The following ATM variants were observed in gnomAD, a reference collection of about 807,000 sequenced individuals.
ATM encodes serine-protein kinase ATM.
Under a neutral mutation model 387.0 loss-of-function variants are expected in ATM, and 308 were observed. The ratio of observed to expected loss-of-function variants is 0.80; its 90% CI spans 0.73 to 0.87. The LOEUF is 0.87. Among genes scored for constraint, ATM ranks in the 40% least tolerant of loss-of-function variants. The pLI is 0.00. For synonymous variants in ATM, 1,156 were observed against 1,187.3 expected, an observed-to-expected ratio of 0.97 and a Z score of 0.54; for missense variants, 3,312 against 3,560.9, an observed-to-expected ratio of 0.93 and a Z score of 1.78.
At chr11:108,282,177 G>A (rs958620853) in intron 24 of ATM, among the ~76,000 whole-genome samples, 1 of 151,656 alleles carries the variant, frequency 6.6e-6, no homozygotes, top group African/African-American at 2.4e-5. Context: ...GCCCAGACTG[G>A]AGTGCAGTGG....
chr11:108,325,034 T>A (rs1400495251), intron 45 of ATM, among the ~76,000 whole-genome samples: 1 of 152,204 alleles, frequency 6.6e-6, no homozygotes, highest in African/African-American at 2.4e-5. Flanking sequence ...TTAGAAGGGC[T>A]GCTTTTTGTA....
intron 38 of ATM, chr11:108,308,533 C>G (rs999065407): frequency 5.4e-6 from 1 of 185,140 alleles, no homozygotes; most frequent in Non-Finnish European, 1.1e-5. Flanking sequence ...AGATTTTTAA[C>G]AGTGCATACA....
At chr11:108,263,170 A>G (rs1204117530) in intron 16 of ATM, among the ~76,000 whole-genome samples, 1 of 146,954 alleles carries the variant, frequency 6.8e-6, no homozygotes, top group East Asian at 2.0e-4. Flanking sequence ...ACCCCAAATC[A>G]ACAGAATATA....
intron 22 of ATM, among the ~76,000 whole-genome samples, chr11:108,276,207 ATCAGG>A (rs2081940819): frequency 6.6e-6 from 1 of 152,164 alleles, no homozygotes; most frequent in Non-Finnish European, 1.5e-5. Context: ...TTTCAGCTCC[ATCAGG>A]TCATTTATGT....
At position 108,257,576 on chromosome 11, in the gene ATM, A is replaced by G. The variant is rs730881285; in HGVS notation, c.2346A>G (p.Leu782=). 4.0e-5 allele frequency: 65 copies of G among 1,613,892 alleles called. No homozygotes were observed. The highest frequency in any genetic ancestry group is 3.2e-4 in the Admixed American group (19 of 60,012). ...RIGSLRNMMQ[L]CTRCLSNCTK... is the part of the protein sequence containing the mutation. The stretch of plus-strand genomic sequence containing the variant: ...GTTCCTTGAGAAATATGATGCAGCT[A>G]TGTACACGTTGCTTGAGCAACTGTA... Residue 782 remains leucine (L), a synonymous_variant, in exon 15 of 63, where the codon CTA becomes CTG. Transcript: ENST00000675843.
At chr11:108,340,872 T>G (rs1448029899) in intron 56 of ATM, among the ~76,000 whole-genome samples, 3 of 152,236 alleles carry the variant, frequency 2.0e-5, no homozygotes, top group African/African-American at 7.2e-5. Flanking sequence ...GTGTAAATGC[T>G]GTGTAAATAG....
chr11:108,233,312 C>A (rs1048819126), intron 4 of ATM, among the ~76,000 whole-genome samples: 2 of 152,136 alleles, frequency 1.3e-5, no homozygotes, highest in African/African-American at 4.8e-5. Flanking sequence ...TCATGCCTCT[C>A]TAATCCTAGT....
intron 9 of ATM, among the ~76,000 whole-genome samples, 192 bp downstream of exon 9, chr11:108,249,294 G>A (rs949921270): frequency 6.6e-6 from 1 of 152,152 alleles, no homozygotes; most frequent in Admixed American, 6.6e-5. Context: ...ATTTGCTTGG[G>A]CCAAGTGCAG....
At chr11:108,273,567 C>T (rs77338513) in intron 22 of ATM, among the ~76,000 whole-genome samples, 17 of 151,882 alleles carry the variant, frequency 1.1e-4, no homozygotes, top group Non-Finnish European at 2.2e-4. Context: ...GTCTTGAACT[C>T]CTGACCTCAG....
In ATM at chr11:108,317,652, T is replaced by TACACACACAC. The variant is rs1181493043; in HGVS notation, c.6347+144_6347+153dup. On this transcript the variant is annotated intron_variant, in intron 43 of 62. Transcript: ENST00000675843. ...ATATATATATATATATATATATATA[T>TACACACACAC]ACACACACACACACACACACACTAT... 4.6e-4 allele frequency: 55 copies of TACACACACAC among 118,344 alleles called. 1 individual carries two copies. Among genetic ancestry groups the TACACACACAC allele is most frequent in the African/African-American group, 2.6e-3 (52 of 19,782 alleles). 7.3% of individuals were successfully genotyped at this position (118,344 alleles called of 1,614,324 possible).
intron 25 of ATM, among the ~76,000 whole-genome samples, chr11:108,283,820 A>C (rs1390383363): frequency 6.6e-6 from 1 of 152,208 alleles, no homozygotes; most frequent in East Asian, 1.9e-4. Context: ...TTCTATCTGC[A>C]TTTGGTTGAA....
intron 42 of ATM, 57 bp downstream of exon 42, chr11:108,316,170 C>A (rs2136135717): frequency 1.4e-6 from 2 of 1,465,806 alleles, no homozygotes; most frequent in Non-Finnish European, 1.9e-6. Context: ...GAGGTTATTT[C>A]AGTATGTTGG....
intron 22 of ATM, among the ~76,000 whole-genome samples, chr11:108,278,965 G>A (rs988034927): frequency 6.6e-6 from 1 of 152,094 alleles, no homozygotes; most frequent in African/African-American, 2.4e-5. Context: ...TAAAAGCTTC[G>A]ATTACTAAAA....
At chr11:108,299,418 C>T (rs2083297394) in intron 33 of ATM, 1 of 325,832 alleles carries the variant, frequency 3.1e-6, no homozygotes, top group African/African-American at 2.2e-5. Context: ...CTGCCTCAGC[C>T]TCCTGAGTAG....
rs779535751 is a variant in ATM, at chr11:108,235,632, A to C, written c.332-38A>C. ...CATTCCAAGTGTCTTATTTTTGTTC[A>C]AATTTATGTTTTTCTTTATTTGTTT... On this transcript the variant is annotated intron_variant, in intron 4 of 62. Coordinates refer to ENST00000675843, the MANE Select transcript of ATM (RefSeq NM_000051.4). 3.2e-6 allele frequency: 5 copies of C among 1,540,884 alleles called. 1 individual carries two copies. The South Asian group carries it at 5.7e-5, about 18-fold the overall frequency.
intron 10 of ATM, among the ~76,000 whole-genome samples, 168 bp from the exon 11 acceptor site, chr11:108,251,669 G>A (rs539804894): frequency 3.9e-5 from 6 of 152,166 alleles, no homozygotes; most frequent in African/African-American, 1.4e-4. Flanking sequence ...GTTAATAAAC[G>A]AGCTATTTTT....
At chr11:108,317,629 A>G (rs1282420152) in intron 43 of ATM, 108 bp downstream of exon 43, 2 of 159,506 alleles carry the variant, frequency 1.3e-5, no homozygotes, top group South Asian at 3.2e-4. Flanking sequence ...ATATATATAT[A>G]TATATATATA....
intron 38 of ATM, among the ~76,000 whole-genome samples, 194 bp from the exon 39 acceptor site, chr11:108,309,966 A>G (rs1431326714): frequency 1.3e-5 from 2 of 152,162 alleles, no homozygotes; most frequent in Non-Finnish European, 2.9e-5. Flanking sequence ...GAAAAACCAA[A>G]AAGATTAATT....
At position 108,325,367 on chromosome 11, in the gene ATM, G is replaced by A. The variant is rs777515589; in HGVS notation, c.6630G>A (p.Gln2210=). The change falls in exon 46 of 63, where the codon CAG becomes CAA. Residue 2210 remains glutamine, a synonymous_variant. Coordinates refer to ENST00000675843, the MANE Select transcript of ATM (RefSeq NM_000051.4). The stretch of plus-strand genomic sequence containing the variant: ...ATATTAAGTGGCAGAAACACTCCCA[G>A]CTTCTCAAGGACAGTGATTTTAGTT... ...EVYIKWQKHS[Q]LLKDSDFSFQ... The A allele has an allele frequency of 9.3e-6, 15 of 1,611,378 alleles. No homozygotes were observed. The highest frequency in any genetic ancestry group is 1.6e-4 in the Middle Eastern group (1 of 6,076).
Sources: gnomAD v4.1 joint callset for allele counts (sites outside exome capture counted in the v4.1 genomes callset) on GRCh38, gnomAD v4.1.1 for gene constraint, MANE v1.5 for transcripts, NCBI Gene and HGNC (gene_info 2026-07-23, HGNC 2026-07-21) for gene names.